Variants in SPAST observed in about 807,000 individuals in gnomAD.
The protein encoded by SPAST is spastic paraplegia 4 (autosomal dominant; spastin).
SPAST carries 30 observed loss-of-function variants against 76.6 expected under a neutral mutation model. That is an observed-to-expected ratio of 0.39 (90% CI 0.29 to 0.53). The LOEUF is 0.53. Among genes scored for constraint, SPAST ranks in the 20% least tolerant of loss-of-function variants. The pLI is 0.68. For synonymous variants in SPAST, 305 were observed against 281.0 expected, an observed-to-expected ratio of 1.09 and a Z score of -0.86; for missense variants, 717 against 770.5, an observed-to-expected ratio of 0.93 and a Z score of 0.82.
chr2:32,146,851 C>T (rs1206708969), intron 15 of SPAST, among the ~76,000 whole-genome samples: 1 of 19,224 alleles, frequency 5.2e-5, no homozygotes, highest in Admixed American at 8.3e-4. Flanking sequence ...GACTCTGTCT[C>T]AAAAAAAAAA....
intron 1 of SPAST, chr2:32,065,911 G>A (rs918912793): frequency 8.6e-5 from 13 of 151,910 alleles, no homozygotes; most frequent in African/African-American, 2.9e-4. Context: ...GGTCAAGGAG[G>A]GTGTTAACAT....
chr2:32,076,512 A>C lies in SPAST; in HGVS notation c.416-10980A>C, dbSNP rs1676967283. ...GCTGGGACTACAGACATGAGCCATC[A>C]CACTGGGTCTTTTTTACCAAATTAT... On this transcript the variant is annotated intron_variant, in intron 1 of 16. Transcript: ENST00000315285. 2.6e-5 allele frequency among the ~76,000 whole-genome samples: 4 copies of C among 152,074 alleles called. No individual in the cohort carries two copies. The South Asian group carries it at 6.2e-4, about 24-fold the overall frequency.
chr2:32,096,747 T>G (rs72796856), intron 3 of SPAST, among the ~76,000 whole-genome samples: 1 of 152,326 alleles, frequency 6.6e-6, no homozygotes, highest in East Asian at 1.9e-4. Context: ...TTCACATTTA[T>G]GTACGGATGT....
At chr2:32,066,017 A>G (rs1158281080) in intron 1 of SPAST, 1 of 142,010 alleles carries the variant, frequency 7.0e-6, no homozygotes, top group Admixed American at 7.5e-5. Context: ...TGTGTCACCC[A>G]GACTGGAGTG....
At chr2:32,067,841 AAAAAT>A (rs1216908240) in intron 1 of SPAST, among the ~76,000 whole-genome samples, 1 of 151,678 alleles carries the variant, frequency 6.6e-6, no homozygotes, top group African/African-American at 2.4e-5. Context: ...ACAATAAAAA[AAAAAT>A]AAATTAGGTT....
chr2:32,151,739 G>A (rs950364488), intron 16 of SPAST, among the ~76,000 whole-genome samples: 8 of 151,820 alleles, frequency 5.3e-5, no homozygotes, highest in Admixed American at 4.6e-4. Flanking sequence ...GCGAAACCCC[G>A]TCTCCACTAA....
intron 1 of SPAST, among the ~76,000 whole-genome samples, chr2:32,066,396 A>G (rs1007243935): frequency 6.6e-6 from 1 of 152,076 alleles, no homozygotes; most frequent in Non-Finnish European, 1.5e-5. Context: ...TGGGCCAGTC[A>G]TGGTGGCTCA....
In SPAST at chr2:32,157,387, T is replaced by A. The variant is rs1202954491; in HGVS notation, c.*2891T>A. On this transcript the variant is annotated 3_prime_UTR_variant, in exon 17 of 17. Transcript: ENST00000315285. ...GAAAAGCAGATACTAGAATTCTAATTTAATTACATATACAGCCGTCTTTGT... is the reference window on the plus strand; with the variant it reads ...GAAAAGCAGATACTAGAATTCTAATATAATTACATATACAGCCGTCTTTGT... The A allele has an allele frequency of 6.6e-6, 1 of 152,634 alleles. No homozygotes were observed. The highest frequency in any genetic ancestry group is 1.9e-4 in the East Asian group (1 of 5,204). 9.5% of individuals were successfully genotyped at this position (152,634 alleles called of 1,614,324 possible). A position where few individuals can be genotyped will look rare whatever the true frequency, so the allele number is the denominator to read the frequency against.
chr2:32,092,874 G>A (rs900449220), intron 3 of SPAST, among the ~76,000 whole-genome samples: 1 of 152,060 alleles, frequency 6.6e-6, no homozygotes, highest in Non-Finnish European at 1.5e-5. Context: ...CAGGCTGGTG[G>A]TACGCACCTG....
chr2:32,147,897 C>CT (rs1679948574), intron 16 of SPAST, among the ~76,000 whole-genome samples: 1 of 147,586 alleles, frequency 6.8e-6, no homozygotes, highest in African/African-American at 2.5e-5. Context: ...TCCCAAAGTG[C>CT]TGGGATTACA....
At chr2:32,110,068 A>G (rs1678485280) in intron 4 of SPAST, among the ~76,000 whole-genome samples, 2 of 146,582 alleles carry the variant, frequency 1.4e-5, no homozygotes, top group African/African-American at 5.0e-5. Flanking sequence ...TTATATATGT[A>G]TTTGTATATG....
At chr2:32,149,657 G>GTTAT (rs896140106) in intron 16 of SPAST, among the ~76,000 whole-genome samples, 7 of 152,070 alleles carry the variant, frequency 4.6e-5, no homozygotes, top group Non-Finnish European at 1.0e-4. Context: ...TTTTATTCTT[G>GTTAT]TTATTATTCC....
intron 16 of SPAST, among the ~76,000 whole-genome samples, chr2:32,151,085 C>T (rs536242406): frequency 6.6e-6 from 1 of 152,020 alleles, no homozygotes; most frequent in Non-Finnish European, 1.5e-5. Flanking sequence ...GCTGGGATTA[C>T]AGGCATGCGC....
intron 1 of SPAST, among the ~76,000 whole-genome samples, chr2:32,064,971 G>T (rs2280968): frequency 0.28 from 41,886 of 151,688 alleles, 6,193 homozygotes; most frequent in East Asian, 0.55. Context: ...AACTATGTAT[G>T]TTTCTGAATG....
intron 4 of SPAST, among the ~76,000 whole-genome samples, chr2:32,112,898 G>A (rs935882982): frequency 2.0e-5 from 3 of 151,832 alleles, no homozygotes; most frequent in Non-Finnish European, 2.9e-5. Flanking sequence ...AGTAAACATT[G>A]TAAATAAACA....
At chr2:32,150,873 T>C (rs1026276669) in intron 16 of SPAST, among the ~76,000 whole-genome samples, 26 of 152,122 alleles carry the variant, frequency 1.7e-4, no homozygotes, top group African/African-American at 6.3e-4. Flanking sequence ...GGAAGAATAT[T>C]ACTGGTCCCT....
At position 32,092,307 on chromosome 2, in the gene SPAST, G is replaced by C. The variant is rs115543067; in HGVS notation, c.586+2702G>C. Among the ~76,000 whole-genome samples the C allele has an allele frequency of 2.9e-3, 445 of 152,210 alleles. 4 individuals are homozygous for C. Among genetic ancestry groups the C allele is most frequent in the African/African-American group, 0.01 (419 of 41,532 alleles). On this transcript the variant is annotated intron_variant, in intron 3 of 16. Transcript: ENST00000315285. ...ATTAAATAGTGTATTAAAGTTTGTT[G>C]CAATAAAATAATTGATGGTTCTAAT...
intron 9 of SPAST, among the ~76,000 whole-genome samples, chr2:32,135,144 G>GTGTGTA (rs1159084456): frequency 6.6e-6 from 1 of 151,754 alleles, no homozygotes; most frequent in Non-Finnish European, 1.5e-5. Context: ...GTGTGTGTGT[G>GTGTGTA]TGTGAGATGG....
At chr2:32,131,672 T>TC (rs1491425518) in intron 9 of SPAST, among the ~76,000 whole-genome samples, 4 of 44,926 alleles carry the variant, frequency 8.9e-5, no homozygotes, top group Non-Finnish European at 2.2e-4. Context: ...AACCATTCTC[T>TC]TTTTTTTTTT....
Sources: gnomAD v4.1 joint callset for allele counts (sites outside exome capture counted in the v4.1 genomes callset) on GRCh38, gnomAD v4.1.1 for gene constraint, MANE v1.5 for transcripts, NCBI Gene and HGNC (gene_info 2026-07-23, HGNC 2026-07-21) for gene names.